The following PXDNL variants were observed in gnomAD, a reference collection of about 807,000 sequenced individuals.
PXDNL encodes the protein probable oxidoreductase PXDNL.
A neutral mutation model predicts 150.8 loss-of-function variants in PXDNL; 145 were observed. The observed-to-expected ratio is 0.96, with a 90% CI of 0.84 to 1.10. The LOEUF (loss-of-function observed/expected upper bound fraction) is 1.10. Ranked by LOEUF, PXDNL falls within the 50% of genes least tolerant of loss-of-function variation. The pLI is 0.00. For missense variants in PXDNL, 2,087 were observed against 1,873.9 expected (o/e 1.11, Z -2.10); for synonymous variants, 757 against 725.7 (o/e 1.04, Z -0.69).
chr8:51,322,052 A>C (rs961027918), intron 21 of PXDNL, among the ~76,000 whole-genome samples: 1 of 152,206 alleles, frequency 6.6e-6, no homozygotes, highest in East Asian at 1.9e-4. Flanking sequence ...ATGTGCTCAC[A>C]CAGCGAAGGC....
chr8:51,676,378 G>C lies in PXDNL; in HGVS notation c.165-21618C>G, dbSNP rs142108202. Among the ~76,000 whole-genome samples the C allele has an allele frequency of 6.9e-3, 1,052 of 152,168 alleles. 18 individuals carry two copies. Among genetic ancestry groups the C allele is most frequent in the African/African-American group, 0.024 (999 of 41,498 alleles). On this transcript the variant is annotated intron_variant, in intron 1 of 22. Coordinates refer to ENST00000356297, the MANE Select transcript of PXDNL (RefSeq NM_144651.5). ...CACAACCTCTGCTTGCCAGGTTCAA[G>C]CAATTCTCCTGCCTCAGCCTCCCAA... is the stretch of plus-strand genomic sequence containing the variant.
chr8:51,344,007 T>A (rs1394168872), intron 20 of PXDNL, among the ~76,000 whole-genome samples: 2 of 152,206 alleles, frequency 1.3e-5, no homozygotes, highest in Admixed American at 6.5e-5. Context: ...TCTTCACTCT[T>A]TGCCTCAACC....
intron 2 of PXDNL, among the ~76,000 whole-genome samples, chr8:51,650,633 T>C (rs897654483): frequency 1.3e-5 from 2 of 152,206 alleles, no homozygotes; most frequent in Admixed American, 6.5e-5. Flanking sequence ...ATCAGGTCAA[T>C]AGGCAGAAGA....
chr8:51,431,098 T>G (rs1809235556), intron 12 of PXDNL, among the ~76,000 whole-genome samples: 1 of 152,010 alleles, frequency 6.6e-6, no homozygotes, highest in Admixed American at 6.6e-5. Flanking sequence ...CATTCTTACC[T>G]CCCCTCCTAT....
chr8:51,343,144 G>T (rs1020251196), intron 20 of PXDNL, among the ~76,000 whole-genome samples: 1 of 152,074 alleles, frequency 6.6e-6, no homozygotes, highest in Non-Finnish European at 1.5e-5. Context: ...AAGACTCTTG[G>T]ATACTGTATT....
At chr8:51,697,701 C>T (rs1262659045) in intron 1 of PXDNL, among the ~76,000 whole-genome samples, 1 of 152,130 alleles carries the variant, frequency 6.6e-6, no homozygotes, top group Non-Finnish European at 1.5e-5. Flanking sequence ...CCAGGAGTGC[C>T]CTGTCTGTAA....
chr8:51,431,445 C>T (rs976749455), intron 12 of PXDNL, among the ~76,000 whole-genome samples: 2 of 152,288 alleles, frequency 1.3e-5, no homozygotes, highest in East Asian at 1.9e-4. Flanking sequence ...ATTAAGGCTT[C>T]GATTTCCTTG....
chr8:51,774,765 C>G (rs971572397), intron 1 of PXDNL, among the ~76,000 whole-genome samples: 5 of 152,112 alleles, frequency 3.3e-5, no homozygotes, highest in African/African-American at 1.2e-4. Context: ...TTGCAGTGAG[C>G]TGAGATCACG....
At chr8:51,537,158 A>G (rs1812096274) in intron 4 of PXDNL, among the ~76,000 whole-genome samples, 2 of 152,272 alleles carry the variant, frequency 1.3e-5, no homozygotes, top group South Asian at 4.2e-4. Flanking sequence ...CTGACCACAC[A>G]TTAGAGTCTC....
intron 2 of PXDNL, among the ~76,000 whole-genome samples, chr8:51,612,743 C>T (rs1814041114): frequency 6.6e-6 from 1 of 152,232 alleles, no homozygotes; most frequent in South Asian, 2.1e-4. Context: ...TCGCCAGCCC[C>T]TGGCCATGCT....
At chr8:51,602,516 CA>C (rs776887508) in intron 2 of PXDNL, among the ~76,000 whole-genome samples, 2 of 151,624 alleles carry the variant, frequency 1.3e-5, no homozygotes, top group Non-Finnish European at 2.9e-5. Flanking sequence ...GCATATTTCT[CA>C]AAAAAAGCAG....
At chr8:51,768,869 G>T (rs554202564) in intron 1 of PXDNL, among the ~76,000 whole-genome samples, 1 of 152,344 alleles carries the variant, frequency 6.6e-6, no homozygotes, top group East Asian at 1.9e-4. Flanking sequence ...GCCAAGGTGG[G>T]CGGATCACGA....
At chr8:51,705,528 G>GAGAA (rs1391196521) in intron 1 of PXDNL, among the ~76,000 whole-genome samples, 1 of 152,212 alleles carries the variant, frequency 6.6e-6, no homozygotes, top group Admixed American at 6.5e-5. Context: ...GGAGAAGAAG[G>GAGAA]AGAAAGAGTA....
chr8:51,745,474 T>C (rs1166578405), intron 1 of PXDNL, among the ~76,000 whole-genome samples: 1 of 152,214 alleles, frequency 6.6e-6, no homozygotes, highest in Non-Finnish European at 1.5e-5. Flanking sequence ...TACAAAATTA[T>C]TTTCAAATTT....
intron 17 of PXDNL, among the ~76,000 whole-genome samples, chr8:51,402,786 G>A (rs1377641232): frequency 1.3e-5 from 2 of 152,050 alleles, no homozygotes; most frequent in Admixed American, 1.3e-4. Flanking sequence ...GAGTGGCCAG[G>A]CGTGGTGTAA....
chr8:51,369,463 T>C (rs975655505), intron 19 of PXDNL, among the ~76,000 whole-genome samples: 3 of 152,244 alleles, frequency 2.0e-5, no homozygotes, highest in East Asian at 1.9e-4. Flanking sequence ...CCACTCATTT[T>C]AAACTGTCTT....
At chr8:51,338,875 G>A (rs1416160346) in intron 21 of PXDNL, among the ~76,000 whole-genome samples, 2 of 152,186 alleles carry the variant, frequency 1.3e-5, no homozygotes, top group South Asian at 4.1e-4. Context: ...AAGAAAGCCA[G>A]AGAAAACAGT....
chr8:51,679,739 T>C (rs1405048422), intron 1 of PXDNL, among the ~76,000 whole-genome samples: 1 of 152,192 alleles, frequency 6.6e-6, no homozygotes, highest in Non-Finnish European at 1.5e-5. Context: ...TTGTTAGAAC[T>C]TCAAAGCCTG....
chr8:51,534,358 G>C (rs1177584327), intron 4 of PXDNL, among the ~76,000 whole-genome samples: 2 of 147,718 alleles, frequency 1.4e-5, no homozygotes, highest in African/African-American at 2.6e-5. Flanking sequence ...GAGGTGGGGG[G>C]GGGTCAGCCC....
Sources: allele counts gnomAD v4.1 joint callset (sites outside exome capture counted in the v4.1 genomes callset), GRCh38; gene constraint gnomAD v4.1.1; transcripts MANE v1.5; gene names NCBI Gene and HGNC (gene_info 2026-07-23, HGNC 2026-07-21).